HS6ST3: variants seen among roughly 807,000 people sequenced by gnomAD.
The protein encoded by HS6ST3 is heparan sulfate 6-O-sulfotransferase 3.
HS6ST3 carries 12 observed loss-of-function variants against 36.7 expected under a neutral mutation model. The observed-to-expected ratio is 0.33, with a 90% confidence interval of 0.21 to 0.53. HS6ST3 has a LOEUF of 0.53. Among genes scored for constraint, HS6ST3 ranks in the 20% least tolerant of loss-of-function variants. The pLI is 0.95. For missense variants in HS6ST3, 584 were observed against 640.9 expected, an observed-to-expected ratio of 0.91 and a Z score of 0.96; for synonymous variants, 240 against 257.5, an observed-to-expected ratio of 0.93 and a Z score of 0.65.
chr13:96,269,869 C>T (rs535975266), intron 1 of HS6ST3, among the ~76,000 whole-genome samples: 5 of 152,004 alleles, frequency 3.3e-5, no homozygotes, highest in Admixed American at 6.6e-5. Flanking sequence ...TTTGTCTTTT[C>T]GTTGAGCCCA....
At chr13:96,624,134 T>C (rs1445972326) in intron 1 of HS6ST3, among the ~76,000 whole-genome samples, 1 of 152,192 alleles carries the variant, frequency 6.6e-6, no homozygotes, top group African/African-American at 2.4e-5. Context: ...CGTGTTTATG[T>C]GTGCATATAT....
intron 1 of HS6ST3, among the ~76,000 whole-genome samples, chr13:96,326,894 CATT>C (rs2055034982): frequency 1.3e-5 from 2 of 150,392 alleles, no homozygotes; most frequent in South Asian, 2.1e-4. Context: ...GATGGTATCT[CATT>C]GTGGTTTTGA....
intron 1 of HS6ST3, among the ~76,000 whole-genome samples, chr13:96,496,733 G>A (rs919138124): frequency 2.6e-5 from 4 of 152,130 alleles, no homozygotes; most frequent in Non-Finnish European, 4.4e-5. Flanking sequence ...GAATCACAAG[G>A]GGAACACGTT....
intron 1 of HS6ST3, among the ~76,000 whole-genome samples, chr13:96,671,882 A>T (rs1055371213): frequency 2.0e-5 from 3 of 152,154 alleles, no homozygotes; most frequent in African/African-American, 7.2e-5. Context: ...ACACCGAGTT[A>T]TGATTTATTC....
intron 1 of HS6ST3, among the ~76,000 whole-genome samples, chr13:96,325,397 C>G (rs2055025459): frequency 6.6e-6 from 1 of 151,940 alleles, no homozygotes; most frequent in South Asian, 2.1e-4. Context: ...TTCCAAAACT[C>G]AGACCAAAAA....
At chr13:96,193,174 G>C (rs910852030) in intron 1 of HS6ST3, among the ~76,000 whole-genome samples, 1 of 152,114 alleles carries the variant, frequency 6.6e-6, no homozygotes, top group Non-Finnish European at 1.5e-5. Flanking sequence ...TCTTTGCTTA[G>C]GTTTTAGGTG....
intron 1 of HS6ST3, among the ~76,000 whole-genome samples, chr13:96,174,885 G>A (rs1172645276): frequency 1.3e-5 from 2 of 152,114 alleles, no homozygotes; most frequent in Admixed American, 6.5e-5. Context: ...TTTAGGCCAT[G>A]GCTTTTGGGT....
At chr13:96,713,594 A>G (rs941211048) in intron 1 of HS6ST3, among the ~76,000 whole-genome samples, 1 of 152,208 alleles carries the variant, frequency 6.6e-6, no homozygotes, top group Non-Finnish European at 1.5e-5. Flanking sequence ...TAAATAAAAT[A>G]TATTTTCAAG....
chr13:96,385,136 G>A lies in HS6ST3; in HGVS notation c.707+293567G>A, dbSNP rs1158298179. ...AGAGGTTGCAGTGAGCCGAGATCAC[G>A]CCATTGCACTCCAGCCTGGGCAACA... On this transcript the variant is annotated intron_variant, in intron 1 of 1. Coordinates refer to ENST00000376705, the MANE Select transcript of HS6ST3 (RefSeq NM_153456.4). Among the ~76,000 whole-genome samples, 12 of 142,842 alleles carry A rather than the reference G, an allele frequency of 8.4e-5. No homozygotes were observed. The East Asian group carries it at 2.1e-3, about 25-fold the overall frequency. The allele number at this position is 142,842 out of a possible 152,430, so 93.7% of individuals were successfully genotyped here.
chr13:96,373,761 T>G (rs759779072), intron 1 of HS6ST3, among the ~76,000 whole-genome samples: 34 of 152,182 alleles, frequency 2.2e-4, no homozygotes, highest in Non-Finnish European at 8.8e-5. Context: ...ATCAATTTGA[T>G]TGAAATAAGT....
chr13:96,167,171 T>C (rs2054164962), intron 1 of HS6ST3, among the ~76,000 whole-genome samples: 1 of 152,158 alleles, frequency 6.6e-6, no homozygotes, highest in Admixed American at 6.5e-5. Flanking sequence ...TCCCTGACAC[T>C]TACCTCTCTT....
At chr13:96,466,454 G>A (rs867555323) in intron 1 of HS6ST3, among the ~76,000 whole-genome samples, 33 of 152,166 alleles carry the variant, frequency 2.2e-4, no homozygotes, top group Middle Eastern at 3.4e-3. Context: ...TCTACCTGCT[G>A]TCCCACCCCT....
intron 1 of HS6ST3, among the ~76,000 whole-genome samples, chr13:96,506,510 A>G (rs2056027201): frequency 1.3e-5 from 2 of 152,198 alleles, no homozygotes; most frequent in South Asian, 4.1e-4. Context: ...CATCTCTTAA[A>G]TAGGATAGGA....
intron 1 of HS6ST3, among the ~76,000 whole-genome samples, chr13:96,683,947 A>G (rs913197193): frequency 2.0e-5 from 3 of 152,040 alleles, no homozygotes; most frequent in Admixed American, 6.6e-5. Flanking sequence ...ATACTTTTCT[A>G]ATTGAAATGA....
chr13:96,523,573 C>CT (rs765487976), intron 1 of HS6ST3, among the ~76,000 whole-genome samples: 1 of 151,878 alleles, frequency 6.6e-6, no homozygotes, highest in East Asian at 1.9e-4. Flanking sequence ...TCCTTTCACT[C>CT]TTTTTTTTCT....
intron 1 of HS6ST3, among the ~76,000 whole-genome samples, chr13:96,167,933 A>G (rs958289526): frequency 3.9e-5 from 6 of 152,244 alleles, no homozygotes; most frequent in African/African-American, 9.6e-5. Context: ...GGCTTAGATT[A>G]TAAAGCTGGA....
At chr13:96,196,625 T>G (rs905537440) in intron 1 of HS6ST3, among the ~76,000 whole-genome samples, 4 of 152,212 alleles carry the variant, frequency 2.6e-5, no homozygotes, top group Non-Finnish European at 5.9e-5. Flanking sequence ...GGTAACTGTT[T>G]CTGTAGCTCA....
chr13:96,290,555 A>G (rs1265771609), intron 1 of HS6ST3, among the ~76,000 whole-genome samples: 1 of 152,104 alleles, frequency 6.6e-6, no homozygotes, highest in Non-Finnish European at 1.5e-5. Flanking sequence ...TCTCACATGC[A>G]TCCTGCTGCC....
intron 1 of HS6ST3, among the ~76,000 whole-genome samples, chr13:96,452,859 T>TAC (rs2055734977): frequency 6.6e-6 from 1 of 152,186 alleles, no homozygotes; most frequent in Non-Finnish European, 1.5e-5. Context: ...CTTTCTACCC[T>TAC]ACTACCTGGG....
Sources: gnomAD v4.1 joint callset for allele counts (sites outside exome capture counted in the v4.1 genomes callset) on GRCh38, gnomAD v4.1.1 for gene constraint, MANE v1.5 for transcripts, NCBI Gene and HGNC (gene_info 2026-07-23, HGNC 2026-07-21) for gene names.